Variants in CSMD3 observed in about 807,000 individuals in gnomAD.
CSMD3 encodes CUB and Sushi multiple domains 3.
Under a neutral mutation model 435.2 loss-of-function variants are expected in CSMD3, and 177 were observed. That is an observed-to-expected ratio of 0.41 (90% CI 0.36 to 0.46). CSMD3 has a LOEUF of 0.46. CSMD3 is among the 20% of genes least tolerant of loss of function. The pLI, the probability that CSMD3 is intolerant of heterozygous loss-of-function variation, is 0.34. For missense variants in CSMD3, 4,265 were observed against 4,504.6 expected (o/e 0.95, Z 1.52); for synonymous variants, 1,656 against 1,520.5 (o/e 1.09, Z -2.07).
chr8:112,996,998 A>C (rs1857718), intron 6 of CSMD3, among the ~76,000 whole-genome samples: 101,865 of 151,192 alleles, frequency 0.67, 35,914 homozygotes, highest in East Asian at 0.95. Flanking sequence ...TACTTCGGTG[A>C]TTATTACTTA....
chr8:112,771,723 C>A (rs2078120294), intron 13 of CSMD3, among the ~76,000 whole-genome samples: 1 of 151,754 alleles, frequency 6.6e-6, no homozygotes, highest in South Asian at 2.1e-4. Context: ...AAGAAGGAAA[C>A]AACAATGTGT....
intron 63 of CSMD3, among the ~76,000 whole-genome samples, chr8:112,252,936 T>G (rs1815419462): frequency 6.6e-6 from 1 of 151,768 alleles, no homozygotes; most frequent in Non-Finnish European, 1.5e-5. Context: ...TACAGCATTT[T>G]TCAATGATTA....
rs57467294 is a variant in CSMD3 at position 112,910,976 on chromosome 8, C to T, written c.1633+10651G>A. 6.8e-3 allele frequency among the ~76,000 whole-genome samples: 1,040 copies of T among 152,016 alleles called. 18 individuals carry two copies. The highest frequency in any genetic ancestry group is 0.024 in the African/African-American group (990 of 41,538). ...ATAAAATATCTCCTTGCTGTGGTATCATGACACCATTCTCTCTGGTTATGA... is the reference window on the plus strand; with the variant it reads ...ATAAAATATCTCCTTGCTGTGGTATTATGACACCATTCTCTCTGGTTATGA... On this transcript the variant is annotated intron_variant, in intron 10 of 70. Transcript: ENST00000297405.
intron 1 of CSMD3, among the ~76,000 whole-genome samples, chr8:113,380,989 C>A (rs2094412770): frequency 6.6e-6 from 1 of 152,146 alleles, no homozygotes; most frequent in South Asian, 2.1e-4. Context: ...CAGGCCTTTT[C>A]CAGGCAGTCA....
intron 5 of CSMD3, among the ~76,000 whole-genome samples, chr8:113,075,193 CG>C: frequency 6.6e-6 from 1 of 151,678 alleles, no homozygotes; most frequent in Non-Finnish European, 1.5e-5. Flanking sequence ...ATAGAAATCT[CG>C]TATTAAAAAC....
chr8:113,056,897 CCTGGAAATT>C (rs1391560893), intron 5 of CSMD3, among the ~76,000 whole-genome samples: 2 of 152,254 alleles, frequency 1.3e-5, no homozygotes, highest in Admixed American at 6.5e-5. Context: ...CTTTACATAG[CCTGGAAATT>C]CTGGTCTTCG....
chr8:113,068,041 G>A (rs1340455024), intron 5 of CSMD3, among the ~76,000 whole-genome samples: 1 of 152,076 alleles, frequency 6.6e-6, no homozygotes, highest in African/African-American at 2.4e-5. Context: ...TGTTCAGTGA[G>A]GTGTTCCAAT....
chr8:112,260,984 A>G (rs1011907186), intron 61 of CSMD3, among the ~76,000 whole-genome samples: 3 of 152,152 alleles, frequency 2.0e-5, no homozygotes, highest in Non-Finnish European at 4.4e-5. Context: ...ATATTACAGT[A>G]CCTAGAAGGA....
chr8:113,156,958 C>G (rs200107411), intron 4 of CSMD3, among the ~76,000 whole-genome samples: 5 of 133,160 alleles, frequency 3.8e-5, no homozygotes, highest in South Asian at 2.4e-4. Flanking sequence ...GAGAGAGAGA[C>G]AGAGACAGAG....
At chr8:113,244,301 G>C (rs1423371457) in intron 3 of CSMD3, among the ~76,000 whole-genome samples, 8 of 151,984 alleles carry the variant, frequency 5.3e-5, no homozygotes, top group Non-Finnish European at 1.2e-4. Flanking sequence ...TTAAGTCTAT[G>C]ATATGGTTTA....
intron 13 of CSMD3, among the ~76,000 whole-genome samples, chr8:112,785,697 A>C (rs2132266330): frequency 6.6e-6 from 1 of 152,184 alleles, no homozygotes; most frequent in African/African-American, 2.4e-5. Flanking sequence ...GCTACAAATA[A>C]AATAAAATAC....
At chr8:112,942,131 A>G (rs6989382) in intron 9 of CSMD3, among the ~76,000 whole-genome samples, 6,034 of 150,688 alleles carry the variant, frequency 0.04, 409 homozygotes, top group African/African-American at 0.14. Flanking sequence ...ACTCCTGACA[A>G]CCAGTGTTTT....
intron 4 of CSMD3, among the ~76,000 whole-genome samples, chr8:113,135,327 TACAG>T (rs1297079977): frequency 6.6e-6 from 1 of 151,884 alleles, no homozygotes; most frequent in Admixed American, 6.6e-5. Flanking sequence ...TAAAAATAAA[TACAG>T]ACAATTTAAA....
intron 5 of CSMD3, among the ~76,000 whole-genome samples, chr8:113,092,055 C>T (rs111942526): frequency 0.065 from 9,832 of 151,980 alleles, 441 homozygotes; most frequent in Non-Finnish European, 0.095. Flanking sequence ...TCACCCATTC[C>T]CCTGACTCTA....
intron 10 of CSMD3, among the ~76,000 whole-genome samples, chr8:112,877,155 A>G (rs2081307178): frequency 1.3e-5 from 2 of 152,194 alleles, no homozygotes; most frequent in South Asian, 4.1e-4. Flanking sequence ...GATAGGAAGA[A>G]TCAATATCGT....
intron 4 of CSMD3, among the ~76,000 whole-genome samples, chr8:113,130,422 G>A (rs567650860): frequency 1.3e-5 from 2 of 152,212 alleles, no homozygotes; most frequent in East Asian, 3.9e-4. Context: ...TTAAAAGTCT[G>A]TGGCACTTAC....
chr8:113,178,794 T>C (rs970218818), intron 3 of CSMD3, among the ~76,000 whole-genome samples: 3 of 151,898 alleles, frequency 2.0e-5, no homozygotes, highest in African/African-American at 7.2e-5. Flanking sequence ...ACAGGTTTCA[T>C]GGAAATGGTA....
intron 5 of CSMD3, among the ~76,000 whole-genome samples, chr8:113,050,452 C>T (rs2088038933): frequency 1.3e-5 from 2 of 151,884 alleles, no homozygotes; most frequent in African/African-American, 4.8e-5. Context: ...TATAAGCTTG[C>T]CAACAGAGTT....
chr8:113,429,663 A>G (rs770910077), intron 1 of CSMD3, among the ~76,000 whole-genome samples: 7 of 152,176 alleles, frequency 4.6e-5, no homozygotes, highest in Admixed American at 3.3e-4. Flanking sequence ...TAATTGATAT[A>G]TAGTACTGAA....
Sources: gnomAD v4.1 joint callset for allele counts (sites outside exome capture counted in the v4.1 genomes callset) on GRCh38, gnomAD v4.1.1 for gene constraint, MANE v1.5 for transcripts, NCBI Gene and HGNC (gene_info 2026-07-23, HGNC 2026-07-21) for gene names.